Variants in SHCBP1L observed in about 807,000 individuals in gnomAD.
The protein encoded by SHCBP1L is testicular spindle-associated protein SHCBP1L.
Under a neutral mutation model 62.5 loss-of-function variants are expected in SHCBP1L, and 67 were observed. That is an observed-to-expected ratio of 1.07 (90% CI 0.88 to 1.31). The LOEUF (loss-of-function observed/expected upper bound fraction) is 1.31. Ranked by LOEUF, SHCBP1L falls within the 40% of genes most tolerant of loss-of-function variation. The probability of loss-of-function intolerance (pLI) is 0.00; values close to 1 mark genes in which losing one functional copy is unlikely to be tolerated. For missense variants in SHCBP1L, 823 were observed against 809.8 expected (o/e 1.02, Z -0.20); for synonymous variants, 284 against 289.4 (o/e 0.98, Z 0.19).
intron 6 of SHCBP1L, among the ~76,000 whole-genome samples, chr1:182,920,445 C>A (rs1216877966): frequency 6.6e-6 from 1 of 152,166 alleles, no homozygotes; most frequent in Non-Finnish European, 1.5e-5. Context: ...ACATCAACTT[C>A]AAAGGAACAT....
At chr1:182,905,347 C>T in intron 7 of SHCBP1L, 149 bp downstream of exon 7, 2 of 804,210 alleles carry the variant, frequency 2.5e-6, no homozygotes, top group Middle Eastern at 3.8e-4. Flanking sequence ...ATATGACGAA[C>T]ATGTCTTAAT....
rs370806414 is a variant in SHCBP1L at position 182,924,786 on chromosome 1, A to AAGAG, written c.1182+4857_1182+4860dup. Among the ~76,000 whole-genome samples the AAGAG allele has an allele frequency of 2.3e-3, 218 of 92,980 alleles. 8 individuals are homozygous for AAGAG. Among genetic ancestry groups the AAGAG allele is most frequent in the African/African-American group, 0.01 (104 of 10,276 alleles). The allele number at this position is 92,980 out of a possible 152,430, so 61.0% of individuals were successfully genotyped here. On this transcript the variant is annotated intron_variant, in intron 6 of 9. Coordinates refer to ENST00000367547, the MANE Select transcript of SHCBP1L (RefSeq NM_030933.4). The stretch of plus-strand genomic sequence containing the variant: ...AAAGAAAGAAAGAAAGAAAGAAAGA[A>AAGAG]AGAGAGAAAGAAAGGAAGGAAGGAA...
chr1:182,920,833 GAAAAAAGAAT>G (rs1650505560), intron 6 of SHCBP1L, among the ~76,000 whole-genome samples: 1 of 151,902 alleles, frequency 6.6e-6, no homozygotes, highest in Non-Finnish European at 1.5e-5. Flanking sequence ...CAAAAATAAA[GAAAAAAGAAT>G]AAAAAAGAAT....
At chr1:182,942,568 T>C (rs1407899578) in intron 2 of SHCBP1L, among the ~76,000 whole-genome samples, 2 of 152,264 alleles carry the variant, frequency 1.3e-5, no homozygotes. Flanking sequence ...AACAACATGC[T>C]ATATTGTTTA....
intron 5 of SHCBP1L, among the ~76,000 whole-genome samples, chr1:182,936,732 C>A (rs1273752933): frequency 6.6e-6 from 1 of 151,962 alleles, no homozygotes; most frequent in Non-Finnish European, 1.5e-5. Flanking sequence ...TGTTAAATAG[C>A]TATCTTTTAG....
chr1:182,922,381 C>G (rs1650554000), intron 6 of SHCBP1L, among the ~76,000 whole-genome samples: 1 of 151,824 alleles, frequency 6.6e-6, no homozygotes, highest in South Asian at 2.1e-4. Flanking sequence ...GGTGAAACCC[C>G]ATCTCTACTA....
chr1:182,951,365 C>T lies in SHCBP1L; in HGVS notation c.508G>A (p.Val170Met). The T allele has an allele frequency of 6.2e-7, 1 of 1,600,708 alleles. No individual in the cohort carries two copies. Among genetic ancestry groups the T allele is most frequent in the South Asian group, 1.1e-5 (1 of 88,142 alleles). The change falls in exon 2 of 10, where the codon GTG becomes ATG. Residue 170 changes from valine to methionine, a missense_variant. Coordinates refer to ENST00000367547, the MANE Select transcript of SHCBP1L (RefSeq NM_030933.4). Reference protein sequence around the residue: ...VWKTNPSVFFVKYEEASIPFV... With the variant: ...VWKTNPSVFFMKYEEASIPFV... ...GGGATAGAAGCTTCTTCATATTTCA[C>T]AAAGAATACACTGGGATTAGTCTTC...
At chr1:182,905,340 T>C (rs1466235634) in intron 7 of SHCBP1L, among the ~76,000 whole-genome samples, 156 bp downstream of exon 7, 1 of 152,210 alleles carries the variant, frequency 6.6e-6, no homozygotes, top group Non-Finnish European at 1.5e-5. Context: ...ATAGAAAATA[T>C]GACGAACATG....
intron 6 of SHCBP1L, among the ~76,000 whole-genome samples, chr1:182,916,097 C>T (rs1296549641): frequency 3.9e-5 from 6 of 152,028 alleles, no homozygotes; most frequent in Non-Finnish European, 2.9e-5. Context: ...TGAGCCACTG[C>T]GCCCGGCCTG....
At chr1:182,926,910 T>C (rs73044389) in intron 6 of SHCBP1L, among the ~76,000 whole-genome samples, 1 of 151,512 alleles carries the variant, frequency 6.6e-6, no homozygotes, top group Middle Eastern at 3.2e-3. Flanking sequence ...ATATGAAACA[T>C]AGGATTATTA....
intron 6 of SHCBP1L, among the ~76,000 whole-genome samples, chr1:182,906,624 G>T (rs1650022434): frequency 6.6e-6 from 1 of 151,596 alleles, no homozygotes; most frequent in African/African-American, 2.4e-5. Context: ...TAGAGACAGG[G>T]TTTCGCCATG....
At chr1:182,943,149 C>T (rs1344076072) in intron 2 of SHCBP1L, among the ~76,000 whole-genome samples, 2 of 152,056 alleles carry the variant, frequency 1.3e-5, no homozygotes, top group African/African-American at 2.4e-5. Context: ...CAGGGTTTCA[C>T]TCTGTTGCCC....
intron 6 of SHCBP1L, among the ~76,000 whole-genome samples, chr1:182,911,063 T>A (rs2101924453): frequency 6.6e-6 from 1 of 152,226 alleles, no homozygotes; most frequent in Middle Eastern, 3.4e-3. Context: ...CTAATTTCTG[T>A]ATTTTTAGTA....
rs1557996596 is a variant in SHCBP1L, at chr1:182,924,709, A to AAAGGAAAGGAAAGGAAGGG, written c.1182+4937_1182+4938insCCCTTCCTTTCCTTTCCTT. On this transcript the variant is annotated intron_variant, in intron 6 of 9. Coordinates refer to ENST00000367547, the MANE Select transcript of SHCBP1L (RefSeq NM_030933.4). ...AGGAAAGGAAAGGAAAGGAAGAAAG[A>AAAGGAAAGGAAAGGAAGGG]AAGAAAGAAAGAAAGAAAGAAAGAA... 2.8e-4 allele frequency among the ~76,000 whole-genome samples: 12 copies of AAAGGAAAGGAAAGGAAGGG among 43,400 alleles called. 1 individual carries two copies. Among genetic ancestry groups the AAAGGAAAGGAAAGGAAGGG allele is most frequent in the African/African-American group, 1.3e-3 (8 of 6,180 alleles). 28.5% of individuals were successfully genotyped at this position (43,400 alleles called of 152,430 possible).
intron 5 of SHCBP1L, among the ~76,000 whole-genome samples, chr1:182,933,537 G>A (rs1040348943): frequency 6.6e-6 from 1 of 151,966 alleles, no homozygotes; most frequent in African/African-American, 2.4e-5. Context: ...TTTTTAGAGT[G>A]TTTATCATGA....
chr1:182,907,353 A>C (rs1650045018), intron 6 of SHCBP1L, among the ~76,000 whole-genome samples: 1 of 150,558 alleles, frequency 6.6e-6, no homozygotes. Context: ...GAATCGCTTG[A>C]ACCCGGGAGG....
intron 2 of SHCBP1L, among the ~76,000 whole-genome samples, chr1:182,942,837 T>C (rs939431968): frequency 6.6e-6 from 1 of 152,206 alleles, no homozygotes; most frequent in African/African-American, 2.4e-5. Context: ...GTAAGTGTTA[T>C]ATCATCAGCA....
At chr1:182,949,914 A>G (rs1571362569) in intron 2 of SHCBP1L, among the ~76,000 whole-genome samples, 1 of 139,762 alleles carries the variant, frequency 7.2e-6, no homozygotes, top group Admixed American at 7.5e-5. Flanking sequence ...CGATCCTCCC[A>G]CCTCAGCCTC....
chr1:182,936,134 T>G (rs867573391), intron 5 of SHCBP1L, among the ~76,000 whole-genome samples: 16,986 of 133,258 alleles, frequency 0.13, 1,439 homozygotes, highest in African/African-American at 0.27. Flanking sequence ...TTTTTTGTTT[T>G]TTTTTTTTTT....
Sources: allele counts gnomAD v4.1 joint callset (sites outside exome capture counted in the v4.1 genomes callset), GRCh38; gene constraint gnomAD v4.1.1; transcripts MANE v1.5; gene names NCBI Gene and HGNC (gene_info 2026-07-23, HGNC 2026-07-21).